The following SGIP1 variants were observed in gnomAD, a reference collection of about 807,000 sequenced individuals.
SGIP1 encodes SH3GL interacting endocytic adaptor 1.
A neutral mutation model predicts 107.5 loss-of-function variants in SGIP1; 38 were observed. The observed-to-expected ratio is 0.35, with a 90% CI of 0.27 to 0.46. The LOEUF is 0.46. Among genes scored for constraint, SGIP1 ranks in the 20% least tolerant of loss-of-function variants. The pLI, the probability that SGIP1 is intolerant of heterozygous loss-of-function variation, is 1.00. For missense variants in SGIP1, 929 were observed against 1,019.5 expected (o/e 0.91, Z 1.21); for synonymous variants, 365 against 366.1 (o/e 1.00, Z 0.03).
chr1:66,575,277 C>A (rs1412823352), intron 1 of SGIP1, among the ~76,000 whole-genome samples: 1 of 152,084 alleles, frequency 6.6e-6, no homozygotes, highest in East Asian at 1.9e-4. Context: ...AATAAGACTG[C>A]CAGTGATAGA....
rs1182699839 is a variant in SGIP1, at chr1:66,747,385, A to C, written c.*4290A>C. ...CACTTAATTTCCTCCAATCTTAAAA[A>C]ATTTTTTTCCCTAGGAAAATCCCTA... On this transcript the variant is annotated 3_prime_UTR_variant, in exon 25 of 25. Transcript: ENST00000371037. The C allele has an allele frequency of 2.0e-5, 3 of 151,900 alleles. No individual in the cohort carries two copies. Among genetic ancestry groups the C allele is most frequent in the African/African-American group, 7.3e-5 (3 of 41,358 alleles). The allele number at this position is 151,900 out of a possible 1,614,324, so 9.4% of individuals were successfully genotyped here. A position where few individuals can be genotyped will look rare whatever the true frequency, so the allele number is the denominator to read the frequency against.
chr1:66,663,908 T>G (rs1571468660), intron 8 of SGIP1, among the ~76,000 whole-genome samples: 1 of 152,296 alleles, frequency 6.6e-6, no homozygotes, highest in Admixed American at 6.5e-5. Context: ...TTAAAAGTAA[T>G]AGCAAAAAAC....
At chr1:66,638,808 T>C (rs1323062750) in intron 4 of SGIP1, among the ~76,000 whole-genome samples, 1 of 152,186 alleles carries the variant, frequency 6.6e-6, no homozygotes, top group Non-Finnish European at 1.5e-5. Flanking sequence ...CCTTTATTTG[T>C]TGTTGCAAAA....
chr1:66,589,321 G>A (rs2063238672), intron 1 of SGIP1, among the ~76,000 whole-genome samples: 1 of 148,110 alleles, frequency 6.8e-6, no homozygotes, highest in Admixed American at 6.7e-5. Flanking sequence ...GCTAAGACCT[G>A]CCTATTTTAG....
Position 66,723,773 on chromosome 1 carries a change from C to T in SGIP1, c.1742+4368C>T, listed in dbSNP as rs543835468. Among the ~76,000 whole-genome samples the T allele has an allele frequency of 3.3e-5, 5 of 152,278 alleles. No homozygotes were observed. The East Asian group carries it at 9.6e-4, about 29-fold the overall frequency. Reference sequence around the variant, plus strand: ...ATTTTTTAAACAATGAGTTCTTACTCTGAGTTCTACATTATGCACCGTTGC... The same window carrying T: ...ATTTTTTAAACAATGAGTTCTTACTTTGAGTTCTACATTATGCACCGTTGC... On this transcript the variant is annotated intron_variant, in intron 19 of 24. Transcript: ENST00000371037.
chr1:66,703,139 A>C (rs1176199159), intron 18 of SGIP1, among the ~76,000 whole-genome samples: 1 of 152,258 alleles, frequency 6.6e-6, no homozygotes, highest in Non-Finnish European at 1.5e-5. Context: ...CAACCAGTCC[A>C]TGAGCTCTTC....
rs2150833620 is a variant in SGIP1 at position 66,749,057 on chromosome 1, A to G, written c.*5962A>G. On this transcript the variant is annotated 3_prime_UTR_variant, in exon 25 of 25. Coordinates refer to ENST00000371037, the MANE Select transcript of SGIP1 (RefSeq NM_032291.4). ...TTTAAGAGAATTCCTGTCATTTCAA[A>G]TGAATTGTTATCTATTTTAAATTTC... 6.6e-6 allele frequency among the ~76,000 whole-genome samples: 1 copy of G among 152,176 alleles called. No individual in the cohort carries two copies. The highest frequency in any genetic ancestry group is 2.1e-4 in the South Asian group (1 of 4,826).
rs1353597799 is a variant in SGIP1 at position 66,607,806 on chromosome 1, C to G, written c.11-18041C>G. Among the ~76,000 whole-genome samples, 101 of 152,180 alleles carry G rather than the reference C, an allele frequency of 6.6e-4. 1 individual carries two copies. The highest frequency in any genetic ancestry group is 6.5e-3 in the Admixed American group (100 of 15,278). On this transcript the variant is annotated intron_variant, in intron 1 of 24. Transcript: ENST00000371037. ...TTCCCATTTGCCATCACTGACAGTT[C>G]TTTCTATTGCTTTTTATTTTCTCTC... is the stretch of plus-strand genomic sequence containing the variant.
In SGIP1 at chr1:66,746,032, G is replaced by A. The variant is rs1340408246; in HGVS notation, c.*2937G>A. ...AAGAAAGAATGTCCACAATTCAAAC[G>A]GTTTTGAGTTAATAGATAGGAATCC... On this transcript the variant is annotated 3_prime_UTR_variant, in exon 25 of 25. Transcript: ENST00000371037. The A allele has an allele frequency of 1.3e-5, 2 of 152,050 alleles. No homozygotes were observed. Among genetic ancestry groups the A allele is most frequent in the African/African-American group, 2.4e-5 (1 of 41,408 alleles). The allele number at this position is 152,050 out of a possible 1,614,324, so 9.4% of individuals were successfully genotyped here. A position where few individuals can be genotyped will look rare whatever the true frequency, so the allele number is the denominator to read the frequency against.
At chr1:66,611,054 A>T (rs1389432378) in intron 1 of SGIP1, among the ~76,000 whole-genome samples, 1 of 152,178 alleles carries the variant, frequency 6.6e-6, no homozygotes, top group Admixed American at 6.5e-5. Context: ...CAGGTGATGG[A>T]TGCACCAAAA....
Position 66,743,855 on chromosome 1 carries a change from T to A in SGIP1, c.*760T>A, listed in dbSNP as rs927087402. On this transcript the variant is annotated 3_prime_UTR_variant, in exon 25 of 25. Coordinates refer to ENST00000371037, the MANE Select transcript of SGIP1 (RefSeq NM_032291.4). The stretch of plus-strand genomic sequence containing the variant: ...ATATTTAAAGTTTAAGTATATTAAA[T>A]TATAATCAAGAGTAAAGAAGATGTT... 2 of 152,722 alleles carry A rather than the reference T, an allele frequency of 1.3e-5. No homozygotes were observed. Among genetic ancestry groups the A allele is most frequent in the African/African-American group, 4.8e-5 (2 of 41,580 alleles). The allele number at this position is 152,722 out of a possible 1,614,324, so 9.5% of individuals were successfully genotyped here. A position where few individuals can be genotyped will look rare whatever the true frequency, so the allele number is the denominator to read the frequency against.
At chr1:66,743,012 A>G in intron 24 of SGIP1, 61 bp from the exon 25 acceptor site, 2 of 1,580,868 alleles carry the variant, frequency 1.3e-6, no homozygotes, top group East Asian at 2.2e-5. Flanking sequence ...AAAGTTACCC[A>G]TATAATAATT....
intron 1 of SGIP1, among the ~76,000 whole-genome samples, chr1:66,623,332 C>G (rs779472713): frequency 6.6e-6 from 1 of 152,116 alleles, no homozygotes. Context: ...TCACTACAAC[C>G]TCTGCCTCCC....
At chr1:66,705,732 T>C (rs1053319707) in intron 18 of SGIP1, among the ~76,000 whole-genome samples, 1 of 152,112 alleles carries the variant, frequency 6.6e-6, no homozygotes, top group African/African-American at 2.4e-5. Flanking sequence ...CAAGGAACCA[T>C]TCAAGAAATA....
chr1:66,698,858 C>T (rs1286704493), intron 18 of SGIP1, among the ~76,000 whole-genome samples: 1 of 151,364 alleles, frequency 6.6e-6, no homozygotes, highest in South Asian at 2.1e-4. Flanking sequence ...ATGTACTGCA[C>T]TTCTCCTTGG....
chr1:66,689,555 G>A (rs561809529), intron 16 of SGIP1, among the ~76,000 whole-genome samples: 2 of 152,204 alleles, frequency 1.3e-5, no homozygotes, highest in African/African-American at 4.8e-5. Flanking sequence ...CATAGAAAGA[G>A]AGGTGTTTCA....
At chr1:66,591,249 A>G (rs2063571456) in intron 1 of SGIP1, among the ~76,000 whole-genome samples, 1 of 152,188 alleles carries the variant, frequency 6.6e-6, no homozygotes, top group African/African-American at 2.4e-5. Context: ...TCCTGCTAAC[A>G]AGGTATCTTG....
chr1:66,577,625 C>T (rs1188767063), intron 1 of SGIP1, among the ~76,000 whole-genome samples: 4 of 152,192 alleles, frequency 2.6e-5, no homozygotes, highest in African/African-American at 9.6e-5. Flanking sequence ...CTATTTCTTT[C>T]TTGTAAGCAT....
chr1:66,677,239 G>A (rs2085597728), intron 13 of SGIP1, 143 bp downstream of exon 13: 1 of 638,982 alleles, frequency 1.6e-6, no homozygotes, highest in Non-Finnish European at 2.6e-6. Context: ...TATTCTAACA[G>A]GCTTTCAAGT....
Sources: gnomAD v4.1 joint callset for allele counts (sites outside exome capture counted in the v4.1 genomes callset) on GRCh38, gnomAD v4.1.1 for gene constraint, MANE v1.5 for transcripts, NCBI Gene and HGNC (gene_info 2026-07-23, HGNC 2026-07-21) for gene names.